ARFGEF1: variants seen among roughly 807,000 people sequenced by gnomAD.
ARFGEF1 encodes brefeldin A-inhibited guanine nucleotide-exchange protein 1.
A neutral mutation model predicts 231.0 loss-of-function variants in ARFGEF1; 42 were observed. That is an observed-to-expected ratio of 0.18 (90% CI 0.14 to 0.24). The LOEUF (loss-of-function observed/expected upper bound fraction) is 0.24. Among genes scored for constraint, ARFGEF1 ranks in the 10% least tolerant of loss-of-function variants. The probability of loss-of-function intolerance (pLI) is 1.00; values close to 1 mark genes in which losing one functional copy is unlikely to be tolerated. For synonymous variants in ARFGEF1, 710 were observed against 732.3 expected (o/e 0.97, Z 0.49); for missense variants, 1,345 against 2,192.0 (o/e 0.61, Z 7.72).
At chr8:67,332,943 A>G (rs1344215386) in intron 1 of ARFGEF1, among the ~76,000 whole-genome samples, 2 of 152,228 alleles carry the variant, frequency 1.3e-5, no homozygotes, top group Admixed American at 6.5e-5. Context: ...GATAAAGTCA[A>G]TGAAGTATTT....
Position 67,251,302 on chromosome 8 carries a change from A to T in ARFGEF1, c.2847T>A (p.Phe949Leu). 6.3e-7 allele frequency: 1 copy of T among 1,588,138 alleles called. No individual in the cohort carries two copies. The highest frequency in any genetic ancestry group is 8.5e-7 in the Non-Finnish European group (1 of 1,169,678). ...ATHLEHVRPM[F>L]KLAWTPFLAA... ...AACATTACTTGAAAATTCTAACCTT[A>T]AACATGGGCCTCACATGCTCCAAAT... Residue 949 changes from phenylalanine to leucine, a missense_variant, in exon 19 of 39, where the codon TTT (phenylalanine) becomes TTA (leucine). Around this residue, in one of 14 missense-constraint regions of ARFGEF1, gnomAD observed 146 missense variants for 321.4 expected, o/e 0.45. Coordinates refer to ENST00000262215, the MANE Select transcript of ARFGEF1 (RefSeq NM_006421.5).
intron 38 of ARFGEF1, chr8:67,199,358 GT>G: frequency 3.1e-6 from 1 of 327,014 alleles, no homozygotes; most frequent in African/African-American, 2.2e-5. Flanking sequence ...ATTTAGCACT[GT>G]TTTTCCTGGG....
intron 7 of ARFGEF1, among the ~76,000 whole-genome samples, chr8:67,284,038 A>G (rs1168953507): frequency 6.6e-6 from 1 of 152,248 alleles, no homozygotes; most frequent in Non-Finnish European, 1.5e-5. Flanking sequence ...AAAGTTATTC[A>G]CTGCAGCATT....
chr8:67,185,287 C>T (rs1834269956), intron 5 of ARFGEF1, among the ~76,000 whole-genome samples: 1 of 152,102 alleles, frequency 6.6e-6, no homozygotes, highest in African/African-American at 2.4e-5. Flanking sequence ...CCCTGAGGCC[C>T]CAGAACTATC....
intron 1 of ARFGEF1, among the ~76,000 whole-genome samples, chr8:67,309,898 T>C (rs559152095): frequency 1.3e-5 from 2 of 152,350 alleles, no homozygotes; most frequent in East Asian, 1.9e-4. Flanking sequence ...TATTCTGGGA[T>C]ATATTTTCAT....
Position 67,308,710 on chromosome 8 carries a change from T to A in ARFGEF1, c.125-6244A>T, listed in dbSNP as rs139499393. Among the ~76,000 whole-genome samples, 4 of 152,346 alleles carry A rather than the reference T, an allele frequency of 2.6e-5. No homozygotes were observed. In the East Asian group the frequency reaches 7.7e-4, roughly 29 times the overall value. On this transcript the variant is annotated intron_variant, in intron 1 of 38. Transcript: ENST00000262215. The stretch of plus-strand genomic sequence containing the variant: ...GGCACTTATTTATAAAGCACTGAGA[T>A]TATTTGCTTACCTTTGATTCTGAGC...
At position 67,286,921 on chromosome 8, in the gene ARFGEF1, C is replaced by T. The variant is rs192408296; in HGVS notation, c.1027+1034G>A. On this transcript the variant is annotated intron_variant, in intron 7 of 38. Coordinates refer to ENST00000262215, the MANE Select transcript of ARFGEF1 (RefSeq NM_006421.5). ...CAACTTGAAGGTCAAATTCAGTATA[C>T]CAAAAGTAAATAAGTGCCTTTTTTC... 6.0e-4 allele frequency among the ~76,000 whole-genome samples: 91 copies of T among 152,272 alleles called. No homozygotes were observed. The Middle Eastern group carries it at 0.017, about 28-fold the overall frequency.
intron 29 of ARFGEF1, among the ~76,000 whole-genome samples, chr8:67,222,241 ATG>A (rs1213046578): frequency 9.6e-5 from 13 of 135,830 alleles, no homozygotes; most frequent in African/African-American, 2.7e-4. Flanking sequence ...GTATGTATGT[ATG>A]TATGTATGTA....
intron 5 of ARFGEF1, among the ~76,000 whole-genome samples, chr8:67,191,016 TCTC>T (rs1284882394): frequency 1.3e-5 from 2 of 152,140 alleles, no homozygotes; most frequent in Non-Finnish European, 2.9e-5. Flanking sequence ...CCTTCCTTCT[TCTC>T]CTGCAGAATA....
At chr8:67,208,176 C>T (rs117696103) in intron 34 of ARFGEF1, among the ~76,000 whole-genome samples, 8 of 152,298 alleles carry the variant, frequency 5.3e-5, no homozygotes, top group Non-Finnish European at 1.2e-4. Flanking sequence ...CCACTCACTA[C>T]CACCTATTTC....
intron 10 of ARFGEF1, among the ~76,000 whole-genome samples, chr8:67,271,167 T>C (rs1805083011): frequency 6.6e-6 from 1 of 151,930 alleles, no homozygotes; most frequent in South Asian, 2.1e-4. Flanking sequence ...TGATTGCTAT[T>C]CTATTTCCAA....
intron 29 of ARFGEF1, among the ~76,000 whole-genome samples, chr8:67,222,190 T>TACACACAC (rs1554636814): frequency 5.2e-5 from 7 of 134,936 alleles, no homozygotes; most frequent in African/African-American, 2.1e-4. Context: ...CACATATATA[T>TACACACAC]ATATATATAT....
At position 67,258,135 on chromosome 8, in the gene ARFGEF1, G is replaced by A. The variant is rs147977338; in HGVS notation, c.2391C>T (p.Ile797=). The A allele has an allele frequency of 9.9e-6, 16 of 1,613,766 alleles. No individual in the cohort carries two copies. The African/African-American group carries it at 1.3e-4, about 13-fold the overall frequency. The part of the protein sequence containing the change: ...GFRLPGEAQK[I]DRLMEKFAAR... ...CAGCAAATTTTTCCATTAATCGATC[G>A]ATTTTCTGAGCTTCCCCTGGAAGAC... The change falls in exon 16 of 39, where the codon ATC becomes ATT. Residue 797 remains isoleucine, a synonymous_variant. Transcript: ENST00000262215.
intron 5 of ARFGEF1, chr8:67,190,532 T>C (rs1385332315): frequency 1.4e-6 from 1 of 716,424 alleles, no homozygotes. Flanking sequence ...TGTACATACA[T>C]TGAGTGTGTT....
At chr8:67,260,985 C>T (rs1198477476) in intron 14 of ARFGEF1, among the ~76,000 whole-genome samples, 2 of 152,174 alleles carry the variant, frequency 1.3e-5, no homozygotes, top group East Asian at 3.8e-4. Context: ...CCAAAAAAGG[C>T]CCCAACTCTC....
chr8:67,207,731 C>G (rs1838572512), intron 34 of ARFGEF1, among the ~76,000 whole-genome samples: 1 of 152,196 alleles, frequency 6.6e-6, no homozygotes, highest in South Asian at 2.1e-4. Flanking sequence ...AGCGGCCTCC[C>G]CATCAAACAG....
chr8:67,223,487 C>G (rs1839270930), intron 29 of ARFGEF1, among the ~76,000 whole-genome samples: 1 of 152,110 alleles, frequency 6.6e-6, no homozygotes, highest in Non-Finnish European at 1.5e-5. Flanking sequence ...GGCATCCGGC[C>G]CACATTTTAA....
intron 1 of ARFGEF1, among the ~76,000 whole-genome samples, chr8:67,339,315 C>G (rs749098303): frequency 1.3e-5 from 2 of 152,108 alleles, no homozygotes; most frequent in African/African-American, 2.4e-5. Context: ...CTGGTCAGCT[C>G]TTCAACTTTT....
chr8:67,187,799 C>A (rs1835092392), intron 5 of ARFGEF1, among the ~76,000 whole-genome samples: 1 of 152,210 alleles, frequency 6.6e-6, no homozygotes, highest in Admixed American at 6.5e-5. Context: ...AGATAGTCTT[C>A]TCTACAAATA....
Sources: gnomAD v4.1 joint callset for allele counts (sites outside exome capture counted in the v4.1 genomes callset) on GRCh38, gnomAD v4.1.1 for gene constraint, gnomAD v4.1.1 regional missense constraint, MANE v1.5 for transcripts, NCBI Gene and HGNC (gene_info 2026-07-23, HGNC 2026-07-21) for gene names.